Variants in TEKT5 observed in about 807,000 individuals in gnomAD.
The protein encoded by TEKT5 is tektin 5.
TEKT5 carries 52 observed loss-of-function variants against 48.7 expected under a neutral mutation model. That is an observed-to-expected ratio of 1.07 (90% CI 0.86 to 1.35). TEKT5 has a LOEUF of 1.35. Ranked by LOEUF, TEKT5 falls within the 40% of genes most tolerant of loss-of-function variation. TEKT5 has a pLI of 0.00. For synonymous variants in TEKT5, 318 were observed against 267.6 expected, an observed-to-expected ratio of 1.19 and a Z score of -1.84; for missense variants, 831 against 641.6, an observed-to-expected ratio of 1.30 and a Z score of -3.19.
chr16:10,670,530 A>G (rs1898532143), intron 5 of TEKT5, among the ~76,000 whole-genome samples: 1 of 152,208 alleles, frequency 6.6e-6, no homozygotes, highest in African/African-American at 2.4e-5. Context: ...AAAAAAGAAG[A>G]GAGCATTTCA....
chr16:10,639,002 G>C (rs1307430127), intron 5 of TEKT5, among the ~76,000 whole-genome samples: 3 of 152,136 alleles, frequency 2.0e-5, no homozygotes, highest in Non-Finnish European at 4.4e-5. Context: ...GGTCCCAAAG[G>C]CACCTTCAAA....
At chr16:10,659,493 C>G (rs1455022559) in intron 5 of TEKT5, among the ~76,000 whole-genome samples, 2 of 152,136 alleles carry the variant, frequency 1.3e-5, no homozygotes, top group Admixed American at 6.5e-5. Flanking sequence ...CATTCTCCTG[C>G]CTCAGCCTCC....
At chr16:10,637,603 C>G (rs1033482454) in intron 5 of TEKT5, among the ~76,000 whole-genome samples, 2 of 151,558 alleles carry the variant, frequency 1.3e-5, no homozygotes, top group African/African-American at 2.4e-5. Context: ...CAGGCAAGAG[C>G]CTGCTAAGGT....
At chr16:10,648,914 T>G (rs182640341) in intron 5 of TEKT5, among the ~76,000 whole-genome samples, 39 of 152,344 alleles carry the variant, frequency 2.6e-4, no homozygotes, top group Admixed American at 2.4e-3. Context: ...GGTTTTGCAT[T>G]TATTGAAGAG....
intron 5 of TEKT5, among the ~76,000 whole-genome samples, chr16:10,646,569 G>A (rs1394796876): frequency 6.6e-6 from 1 of 152,122 alleles, no homozygotes; most frequent in Non-Finnish European, 1.5e-5. Flanking sequence ...TAACCTATGG[G>A]CACCAAGAAA....
chr16:10,664,836 G>A (rs966822419), intron 5 of TEKT5, among the ~76,000 whole-genome samples: 2 of 152,218 alleles, frequency 1.3e-5, no homozygotes, highest in Non-Finnish European at 2.9e-5. Context: ...CAGCAGATGA[G>A]AAAGCAGACC....
intron 5 of TEKT5, among the ~76,000 whole-genome samples, chr16:10,655,414 T>C (rs1392554140): frequency 6.6e-6 from 1 of 152,198 alleles, no homozygotes; most frequent in African/African-American, 2.4e-5. Context: ...AACCTCAGTA[T>C]TTTTTTAAAA....
At chr16:10,646,542 G>A (rs1354038486) in intron 5 of TEKT5, among the ~76,000 whole-genome samples, 2 of 152,150 alleles carry the variant, frequency 1.3e-5, no homozygotes, top group Non-Finnish European at 2.9e-5. Flanking sequence ...AGGAATGACT[G>A]AATGAGGTTG....
intron 3 of TEKT5, among the ~76,000 whole-genome samples, chr16:10,683,140 A>AAGG (rs5815596): frequency 0.56 from 85,129 of 151,686 alleles, 24,687 homozygotes; most frequent in East Asian, 0.8. Context: ...AAGGCTTTCC[A>AAGG]AGGTGTCTGA....
At chr16:10,668,438 T>C (rs2719690) in intron 5 of TEKT5, among the ~76,000 whole-genome samples, 51,895 of 152,058 alleles carry the variant, frequency 0.34, 10,040 homozygotes, top group East Asian at 0.54. Context: ...GGGCCGGTTT[T>C]AGAAACCAGC....
Position 10,694,917 on chromosome 16 carries a change from C to T in TEKT5, c.-44G>A. 6.7e-7 allele frequency: 1 copy of T among 1,498,858 alleles called. No individual in the cohort carries two copies. Among genetic ancestry groups the T allele is most frequent in the Non-Finnish European group, 8.9e-7 (1 of 1,127,754 alleles). The allele number at this position is 1,498,858 out of a possible 1,614,324, so 92.8% of individuals were successfully genotyped here. On this transcript the variant is annotated 5_prime_UTR_variant, in exon 1 of 7. Transcript: ENST00000283025. Reference sequence around the variant, plus strand: ...CTCGGGCAAAACTCAGCTCAAGGAGCCAAAGGCATCACCAGGAAAGGTGAA... The same window carrying T: ...CTCGGGCAAAACTCAGCTCAAGGAGTCAAAGGCATCACCAGGAAAGGTGAA...
In TEKT5 at chr16:10,694,532, C is replaced by T. The variant is rs371617351; in HGVS notation, c.342G>A (p.Arg114=). The change falls in exon 1 of 7, where the codon CGG becomes CGA. Residue 114 remains arginine, a synonymous_variant. Coordinates refer to ENST00000283025, the MANE Select transcript of TEKT5 (RefSeq NM_144674.2). ...AGAGCCTCATGGAGTCATCCGTCAGCCGGCTGGCCCACAGCCGGGAGGCCT... is the reference window on the plus strand; with the variant it reads ...AGAGCCTCATGGAGTCATCCGTCAGTCGGCTGGCCCACAGCCGGGAGGCCT... The part of the protein sequence containing the change: ...GAEASRLWAS[R]LTDDSMRLLQ... The T allele has an allele frequency of 6.7e-5, 107 of 1,607,276 alleles. 1 individual carries two copies. Among genetic ancestry groups the T allele is most frequent in the South Asian group, 5.8e-4 (52 of 90,048 alleles).
chr16:10,664,123 G>A (rs1898420541), intron 5 of TEKT5, among the ~76,000 whole-genome samples: 1 of 152,178 alleles, frequency 6.6e-6, no homozygotes, highest in South Asian at 2.1e-4. Flanking sequence ...TTAATTAATT[G>A]TGTGTTTGCT....
intron 1 of TEKT5, among the ~76,000 whole-genome samples, chr16:10,693,664 AATG>A (rs1343215391): frequency 6.6e-6 from 1 of 152,226 alleles, no homozygotes; most frequent in Non-Finnish European, 1.5e-5. Context: ...GAGCATGTTA[AATG>A]ATAAGTATTA....
intron 5 of TEKT5, among the ~76,000 whole-genome samples, chr16:10,657,992 C>A (rs1898291973): frequency 6.6e-6 from 1 of 152,136 alleles, no homozygotes; most frequent in African/African-American, 2.4e-5. Flanking sequence ...AGTATAGTTA[C>A]AGTTGTCCAG....
chr16:10,641,280 G>A (rs1387406986), intron 5 of TEKT5, among the ~76,000 whole-genome samples: 2 of 152,164 alleles, frequency 1.3e-5, no homozygotes, highest in Non-Finnish European at 1.5e-5. Flanking sequence ...TGGACAGGCA[G>A]GTTGTGGTGG....
intron 5 of TEKT5, among the ~76,000 whole-genome samples, chr16:10,672,734 A>G (rs1898568842): frequency 6.6e-6 from 1 of 152,220 alleles, no homozygotes; most frequent in Non-Finnish European, 1.5e-5. Flanking sequence ...TAAATCAACT[A>G]GTACATTAAG....
chr16:10,654,519 C>T (rs894239028), intron 5 of TEKT5, among the ~76,000 whole-genome samples: 3 of 152,152 alleles, frequency 2.0e-5, no homozygotes, highest in East Asian at 1.9e-4. Context: ...TCATGTCCAA[C>T]GTAGGCAGGC....
chr16:10,688,110 C>T (rs546972121), intron 3 of TEKT5, among the ~76,000 whole-genome samples: 6 of 152,194 alleles, frequency 3.9e-5, no homozygotes, highest in South Asian at 2.1e-4. Context: ...ACAATAGTCC[C>T]GGTGATAGGT....
Sources: gnomAD v4.1 joint callset for allele counts (sites outside exome capture counted in the v4.1 genomes callset) on GRCh38, gnomAD v4.1.1 for gene constraint, MANE v1.5 for transcripts, NCBI Gene and HGNC (gene_info 2026-07-23, HGNC 2026-07-21) for gene names.